Variants in MPHOSPH10 observed in about 807,000 individuals in gnomAD.
The protein encoded by MPHOSPH10 is U3 small nucleolar ribonucleoprotein MPP10.
Under a neutral mutation model 77.3 loss-of-function variants are expected in MPHOSPH10, and 33 were observed. That is an observed-to-expected ratio of 0.43 (90% CI 0.32 to 0.57). The LOEUF is 0.57. Ranked by LOEUF, MPHOSPH10 falls within the 20% of genes least tolerant of loss-of-function variation. MPHOSPH10 has a pLI of 0.07. For missense variants in MPHOSPH10, 708 were observed against 780.1 expected (o/e 0.91, Z 1.10); for synonymous variants, 245 against 268.0 (o/e 0.91, Z 0.84).
chr2:71,134,399 G>C lies in MPHOSPH10; in HGVS notation c.927-227G>C, dbSNP rs541261064. Among the ~76,000 whole-genome samples, 5 of 152,222 alleles carry C rather than the reference G, an allele frequency of 3.3e-5. No homozygotes were observed. The East Asian group carries it at 9.6e-4, about 29-fold the overall frequency. On this transcript the variant is annotated intron_variant, in intron 3 of 10. Coordinates refer to ENST00000244230, the MANE Select transcript of MPHOSPH10 (RefSeq NM_005791.3). ...TAAGAGATTTGTATTATAGATTGAT[G>C]AATAATTTATTTTCTATATGTTGGA...
chr2:71,132,314 C>T (rs543680817), intron 1 of MPHOSPH10, among the ~76,000 whole-genome samples: 3 of 152,142 alleles, frequency 2.0e-5, no homozygotes, highest in Admixed American at 6.5e-5. Flanking sequence ...CAAATTCTTA[C>T]TCCTGAACCA....
rs781461995 is a variant in MPHOSPH10 at position 71,144,424 on chromosome 2, T to C, written c.1447-4T>C. On this transcript the variant is annotated splice_region_variant and splice_polypyrimidine_tract_variant and intron_variant, in intron 7 of 10. Coordinates refer to ENST00000244230, the MANE Select transcript of MPHOSPH10 (RefSeq NM_005791.3). ...GTTTGACATTGTTGAACTTATTTCC[T>C]AAGCAAAAAACAGCAGAAGAAGAAA... 1.2e-6 allele frequency: 2 copies of C among 1,606,194 alleles called. No homozygotes were observed. The highest frequency in any genetic ancestry group is 2.7e-5 in the African/African-American group (2 of 74,686).
intron 7 of MPHOSPH10, among the ~76,000 whole-genome samples, chr2:71,143,722 C>T (rs1673655585): frequency 6.6e-6 from 1 of 152,152 alleles, no homozygotes; most frequent in South Asian, 2.1e-4. Context: ...CATATGTGGC[C>T]TTCCATTTCT....
intron 3 of MPHOSPH10, 134 bp from the exon 4 acceptor site, chr2:71,134,492 T>A: frequency 1.3e-6 from 1 of 768,252 alleles, no homozygotes; most frequent in Non-Finnish European, 2.0e-6. Flanking sequence ...AATAACTGAA[T>A]GATTTTGGAA....
In MPHOSPH10 at chr2:71,130,680, C is replaced by G. The variant is rs771513310; in HGVS notation, c.15C>G (p.Val5=). Residue 5 remains valine (V), a synonymous_variant, in exon 1 of 11, where the codon GTC becomes GTG. Coordinates refer to ENST00000244230, the MANE Select transcript of MPHOSPH10 (RefSeq NM_005791.3). ...TGCTGACAGCCATGGCGCCGCAGGT[C>G]TGGCGTCGACGGACCCTGGAGCGGT... MAPQ[V]WRRRTLERCL... is the part of the protein sequence containing the mutation. 54 of 1,609,618 alleles carry G rather than the reference C, an allele frequency of 3.4e-5. No homozygotes were observed. The highest frequency in any genetic ancestry group is 4.4e-5 in the Non-Finnish European group (52 of 1,178,596).
intron 7 of MPHOSPH10, among the ~76,000 whole-genome samples, chr2:71,142,644 A>G (rs1673633770): frequency 6.6e-6 from 1 of 152,240 alleles, no homozygotes; most frequent in African/African-American, 2.4e-5. Context: ...TAGCCAATAT[A>G]TAGCTACATA....
rs772266253 is a variant in MPHOSPH10 at position 71,138,581 on chromosome 2, A to C, written c.1190A>C (p.Glu397Ala). Residue 397 changes from glutamate to alanine, a missense_variant, in exon 5 of 11, where the codon GAG (glutamate) becomes GCG (alanine). Glu to Ala is a moderately radical substitution (Grantham distance 107, BLOSUM62 -1). Coordinates refer to ENST00000244230, the MANE Select transcript of MPHOSPH10 (RefSeq NM_005791.3). The part of the protein sequence containing the change: ...QGEVTAQKRP[E>A]NSLLEETLHF... The stretch of plus-strand genomic sequence containing the variant: ...GAAGTGACAGCACAGAAGAGGCCAG[A>C]GAACAGCCTCCTGGAGGAGACCCTA... The C allele has an allele frequency of 4.0e-5, 65 of 1,614,128 alleles. 1 individual carries two copies. Among genetic ancestry groups the C allele is most frequent in the Non-Finnish European group, 5.1e-5 (60 of 1,180,042 alleles).
Position 71,132,891 on chromosome 2 carries a change from C to G in MPHOSPH10, c.90-7C>G, listed in dbSNP as rs1673414462. 1 of 1,583,206 alleles carries G rather than the reference C, an allele frequency of 6.3e-7. No individual in the cohort carries two copies. The highest frequency in any genetic ancestry group is 8.6e-7 in the Non-Finnish European group (1 of 1,161,852). Reference sequence around the variant, plus strand: ...AATTCTAAATCTCACTTAATTCCTCCCAATAGGATTCAAGAGGGATTGGCA... The same window carrying G: ...AATTCTAAATCTCACTTAATTCCTCGCAATAGGATTCAAGAGGGATTGGCA... On this transcript the variant is annotated splice_polypyrimidine_tract_variant and splice_region_variant and intron_variant, in intron 1 of 10. Coordinates refer to ENST00000244230, the MANE Select transcript of MPHOSPH10 (RefSeq NM_005791.3).
intron 4 of MPHOSPH10, among the ~76,000 whole-genome samples, chr2:71,135,536 G>A (rs1377083921): frequency 6.6e-6 from 1 of 151,802 alleles, no homozygotes; most frequent in Non-Finnish European, 1.5e-5. Flanking sequence ...GACAGAGTGT[G>A]ACTCTGTCTC....
At chr2:71,132,371 C>T (rs1673405465) in intron 1 of MPHOSPH10, among the ~76,000 whole-genome samples, 1 of 152,190 alleles carries the variant, frequency 6.6e-6, no homozygotes. Flanking sequence ...CCCTCTGCCT[C>T]CTTCACACTC....
intron 9 of MPHOSPH10, 76 bp from the exon 10 acceptor site, chr2:71,149,147 C>G: frequency 7.4e-7 from 1 of 1,345,880 alleles, no homozygotes; most frequent in South Asian, 1.4e-5. Context: ...GCTGGCTACC[C>G]TGCAGTTTCT....
At chr2:71,134,135 T>A (rs1158836513) in intron 3 of MPHOSPH10, 30 bp downstream of exon 3, 1 of 1,583,888 alleles carries the variant, frequency 6.3e-7, no homozygotes. Flanking sequence ...CTTTACATTG[T>A]AAGCTGGAAT....
At chr2:71,135,822 C>T (rs1366533801) in intron 4 of MPHOSPH10, among the ~76,000 whole-genome samples, 6 of 151,472 alleles carry the variant, frequency 4.0e-5, no homozygotes, top group Non-Finnish European at 7.4e-5. Flanking sequence ...CCTGCCTCAG[C>T]CTCCTGAGTA....
intron 2 of MPHOSPH10, 71 bp from the exon 3 acceptor site, chr2:71,133,877 C>CA: frequency 9.2e-7 from 1 of 1,092,864 alleles, no homozygotes; most frequent in Non-Finnish European, 1.3e-6. Flanking sequence ...AATATACATG[C>CA]AAATCTATAT....
chr2:71,139,214 G>A (rs764221620), intron 5 of MPHOSPH10: 12 of 162,134 alleles, frequency 7.4e-5, no homozygotes, highest in Non-Finnish European at 1.5e-4. Flanking sequence ...CCAATCTCAT[G>A]GCACTTCACT....
At chr2:71,134,583 G>A (rs1431046049) in intron 3 of MPHOSPH10, 43 bp from the exon 4 acceptor site, 4 of 1,525,872 alleles carry the variant, frequency 2.6e-6, no homozygotes, top group African/African-American at 1.4e-5. Flanking sequence ...TTTTTCTAAT[G>A]GAAAGTAGTA....
In MPHOSPH10 at chr2:71,149,458, G is replaced by A. The variant is rs770030791; in HGVS notation, c.1896+5G>A. Reference sequence around the variant, plus strand: ...GGCAAAGCTTCCTTCATAAAGGTAAGGACAAGGGAAAGAAAACTGCTCAAG... The same window carrying A: ...GGCAAAGCTTCCTTCATAAAGGTAAAGACAAGGGAAAGAAAACTGCTCAAG... On this transcript the variant is annotated splice_donor_5th_base_variant and intron_variant, in intron 10 of 10. Transcript: ENST00000244230. 2 of 1,606,976 alleles carry A rather than the reference G, an allele frequency of 1.2e-6. No homozygotes were observed. The highest frequency in any genetic ancestry group is 1.7e-5 in the Admixed American group (1 of 58,692).
In MPHOSPH10 at chr2:71,132,845, T is replaced by C. The variant is rs577493431; in HGVS notation, c.90-53T>C. 3.7e-5 allele frequency: 56 copies of C among 1,506,910 alleles called. No homozygotes were observed. In the African/African-American group the frequency reaches 7.4e-4, roughly 20 times the overall value. The allele number at this position is 1,506,910 out of a possible 1,614,324, so 93.3% of individuals were successfully genotyped here. A position where few individuals can be genotyped will look rare whatever the true frequency, so the allele number is the denominator to read the frequency against. ...GGGTTTTTTTTATTTTTATTAAGAG[T>C]GCTGTGAAATTATTACCTGTAATTC... On this transcript the variant is annotated intron_variant, in intron 1 of 10. Transcript: ENST00000244230.
Position 71,134,039 on chromosome 2 carries a change from T to C in MPHOSPH10, c.860T>C (p.Leu287Pro). 2 of 1,609,668 alleles carry C rather than the reference T, an allele frequency of 1.2e-6. No individual in the cohort carries two copies. The highest frequency in any genetic ancestry group is 1.7e-5 in the Admixed American group (1 of 59,460). Residue 287 changes from leucine (L) to proline (P), a missense_variant, in exon 3 of 11, where the codon CTG becomes CCG. Around this residue, in one of 3 missense-constraint regions of MPHOSPH10, gnomAD observed 433 missense variants for 432.6 expected, o/e 1.00. Coordinates refer to ENST00000244230, the MANE Select transcript of MPHOSPH10 (RefSeq NM_005791.3). ...EDITNVHDDE[L>P]DSNKEDDEIA... ...ATAACAAATGTTCATGATGATGAGC[T>C]GGATTCAAACAAAGAAGATGATGAA...
Sources: gnomAD v4.1 joint callset for allele counts (sites outside exome capture counted in the v4.1 genomes callset) on GRCh38, gnomAD v4.1.1 for gene constraint, gnomAD v4.1.1 regional missense constraint, MANE v1.5 for transcripts, NCBI Gene and HGNC (gene_info 2026-07-23, HGNC 2026-07-21) for gene names.